The following HIVEP2 variants were observed in gnomAD, a reference collection of about 807,000 sequenced individuals.
HIVEP2 encodes HIVEP zinc finger 2.
Under a neutral mutation model 180.7 loss-of-function variants are expected in HIVEP2, and 14 were observed. The observed-to-expected ratio is 0.08, with a 90% CI of 0.05 to 0.12. The LOEUF (loss-of-function observed/expected upper bound fraction) is 0.12, where lower values mean the gene tolerates loss of function less well. Ranked by LOEUF, HIVEP2 falls within the 10% of genes least tolerant of loss-of-function variation. The probability of loss-of-function intolerance (pLI) is 1.00; values close to 1 mark genes in which losing one functional copy is unlikely to be tolerated. For missense variants in HIVEP2, 2,579 were observed against 3,008.5 expected (o/e 0.86, Z 3.34); for synonymous variants, 1,184 against 1,136.4 (o/e 1.04, Z -0.84).
At chr6:142,926,884 G>A (rs1321275306) in intron 1 of HIVEP2, among the ~76,000 whole-genome samples, 2 of 152,018 alleles carry the variant, frequency 1.3e-5, no homozygotes, top group African/African-American at 4.8e-5. Flanking sequence ...GAAGGGGGGA[G>A]GCCGAGAGCA....
At chr6:142,945,399 G>T (rs996884846), upstream of HIVEP2, among the ~76,000 whole-genome samples, 1 of 152,190 alleles carries the variant, frequency 6.6e-6, no homozygotes, top group African/African-American at 2.4e-5. This position sits in a 1 kb window ranked among gnomAD's most constrained non-coding sequence, Gnocchi z 5.5. Flanking sequence ...GGGAGCGGGG[G>T]ACGGAGTTCG....
chr6:142,809,089 G>A (rs512808), intron 2 of HIVEP2, among the ~76,000 whole-genome samples: 83,600 of 151,764 alleles, frequency 0.55, 25,306 homozygotes, highest in Non-Finnish European at 0.68. Flanking sequence ...AGTATGGTAT[G>A]CCCAGCAGCA....
chr6:142,924,321 T>C (rs1777750518), intron 1 of HIVEP2, among the ~76,000 whole-genome samples: 1 of 152,208 alleles, frequency 6.6e-6, no homozygotes, highest in Non-Finnish European at 1.5e-5. Flanking sequence ...CTTTATTTCC[T>C]CATTCAGCAC....
chr6:142,920,428 A>G (rs1015325004), intron 1 of HIVEP2, among the ~76,000 whole-genome samples: 4 of 152,130 alleles, frequency 2.6e-5, no homozygotes, highest in African/African-American at 4.8e-5. Context: ...GATCACAGGT[A>G]TGTATTAAAG....
In HIVEP2 at chr6:142,774,293, C is replaced by G; in HGVS notation, c.446G>C (p.Gly149Ala). 3.7e-6 allele frequency: 6 copies of G among 1,614,150 alleles called. No individual in the cohort carries two copies. Among genetic ancestry groups the G allele is most frequent in the Non-Finnish European group, 5.1e-6 (6 of 1,180,040 alleles). Residue 149 changes from glycine to alanine, a missense_variant, in exon 5 of 10, where the codon GGT becomes GCT. Physicochemically the swap from Gly to Ala is moderately conservative, Grantham distance 60. This residue lies in a region of HIVEP2 where 207 missense variants were observed against 210.1 expected (regional missense o/e 0.99). Transcript: ENST00000367603. This position sits in a 1 kb window ranked among gnomAD's most constrained non-coding sequence, Gnocchi z 5.1. The stretch of plus-strand genomic sequence containing the variant: ...ACTTGAAATCTTTTTTCTAGGATAA[C>G]CACCACTGTGGCCATGTATAGGAAA... ...FPFPIHGHSG[G>A]YPRKKISSLN...
intron 1 of HIVEP2, among the ~76,000 whole-genome samples, chr6:142,839,189 A>G (rs198650): frequency 0.15 from 22,947 of 152,130 alleles, 3,158 homozygotes; most frequent in African/African-American, 0.37. Flanking sequence ...ATATTTATTT[A>G]GAAATGTTCA....
At chr6:142,911,635 G>A (rs951328655) in intron 1 of HIVEP2, among the ~76,000 whole-genome samples, 3 of 152,166 alleles carry the variant, frequency 2.0e-5, no homozygotes, top group Non-Finnish European at 4.4e-5. Flanking sequence ...TTCCATCAGG[G>A]ACTCTTTGCT....
intron 2 of HIVEP2, among the ~76,000 whole-genome samples, chr6:142,801,997 T>C (rs1776424038): frequency 6.6e-6 from 1 of 152,178 alleles, no homozygotes; most frequent in Admixed American, 6.5e-5. Flanking sequence ...ATCTGTAGAC[T>C]GGAGTATGAG....
chr6:142,793,578 T>C (rs974830950), intron 2 of HIVEP2, among the ~76,000 whole-genome samples: 1 of 152,080 alleles, frequency 6.6e-6, no homozygotes, highest in Non-Finnish European at 1.5e-5. Flanking sequence ...AATTTATTAA[T>C]TTCTTTCTTT....
At chr6:142,891,895 C>A (rs73777820) in intron 1 of HIVEP2, among the ~76,000 whole-genome samples, 2 of 152,186 alleles carry the variant, frequency 1.3e-5, no homozygotes, top group East Asian at 3.8e-4. Context: ...TTAAGGAGTT[C>A]ATTCTGTTTG....
intron 2 of HIVEP2, among the ~76,000 whole-genome samples, chr6:142,784,015 A>G (rs1775923178): frequency 6.6e-6 from 1 of 152,234 alleles, no homozygotes; most frequent in African/African-American, 2.4e-5. Context: ...ATTTGTTTCT[A>G]TAGTTTATTT....
intron 1 of HIVEP2, among the ~76,000 whole-genome samples, chr6:142,845,893 C>A (rs1434838393): frequency 2.0e-5 from 3 of 152,242 alleles, no homozygotes; most frequent in Admixed American, 1.3e-4. Flanking sequence ...CAAAAGAGAG[C>A]ACAGCAAAGC....
chr6:142,832,442 G>C (rs551905608), intron 2 of HIVEP2, among the ~76,000 whole-genome samples: 2 of 152,230 alleles, frequency 1.3e-5, no homozygotes, highest in Admixed American at 1.3e-4. Context: ...AGTATAAATT[G>C]TTAAGGGGTG....
intron 1 of HIVEP2, among the ~76,000 whole-genome samples, chr6:142,908,605 A>C (rs1017635273): frequency 6.6e-6 from 1 of 152,160 alleles, no homozygotes; most frequent in Non-Finnish European, 1.5e-5. Flanking sequence ...AATACAGATG[A>C]CTTTGGAACT....
intron 9 of HIVEP2, among the ~76,000 whole-genome samples, chr6:142,754,766 T>C (rs1582825841): frequency 6.6e-6 from 1 of 152,358 alleles, no homozygotes; most frequent in South Asian, 2.1e-4. Flanking sequence ...CTCAATATCT[T>C]CTTGGCAATC....
At chr6:142,899,213 C>A (rs62432363) in intron 1 of HIVEP2, among the ~76,000 whole-genome samples, 4,228 of 152,238 alleles carry the variant, frequency 0.028, 118 homozygotes, top group Non-Finnish European at 0.034. Flanking sequence ...ATTTCCAGGT[C>A]TCTGGATCCT....
At chr6:142,881,624 GC>G (rs1776576270) in intron 1 of HIVEP2, among the ~76,000 whole-genome samples, 1 of 152,172 alleles carries the variant, frequency 6.6e-6, no homozygotes, top group Non-Finnish European at 1.5e-5. Context: ...CTGAGGTCCT[GC>G]TTTCAGCTAT....
At chr6:142,840,049 G>A (rs932824083) in intron 1 of HIVEP2, among the ~76,000 whole-genome samples, 2 of 152,104 alleles carry the variant, frequency 1.3e-5, no homozygotes, top group African/African-American at 4.8e-5. Context: ...AAAGGGGAGA[G>A]TAATGAGTTC....
chr6:142,878,378 G>C (rs938335738), intron 1 of HIVEP2, among the ~76,000 whole-genome samples: 1 of 152,136 alleles, frequency 6.6e-6, no homozygotes, highest in Non-Finnish European at 1.5e-5. Context: ...AAATGGCAAC[G>C]AATTTATACA....
Sources: gnomAD v4.1 joint callset for allele counts (sites outside exome capture counted in the v4.1 genomes callset) on GRCh38, gnomAD v4.1.1 for gene constraint, gnomAD v4.1.1 regional missense constraint, Gnocchi (gnomAD v3.1) non-coding constraint, MANE v1.5 for transcripts, NCBI Gene and HGNC (gene_info 2026-07-23, HGNC 2026-07-21) for gene names.